PRKN: variants seen among roughly 807,000 people sequenced by gnomAD.
PRKN encodes the protein parkin RBR E3 ubiquitin protein ligase.
In PRKN, 56 loss-of-function variants were observed where a neutral mutation model predicts 59.5. The observed-to-expected ratio is 0.94, with a 90% CI of 0.76 to 1.18. The LOEUF (loss-of-function observed/expected upper bound fraction) is 1.18, where lower values mean the gene tolerates loss of function less well. Among genes scored for constraint, PRKN ranks in the 50% most tolerant of loss-of-function variants. The pLI, the probability that PRKN is intolerant of heterozygous loss-of-function variation, is 0.00. For missense variants in PRKN, 657 were observed against 596.4 expected (o/e 1.10, Z -1.06); for synonymous variants, 250 against 222.1 (o/e 1.13, Z -1.12).
At chr6:161,606,250 T>C (rs957337317) in intron 7 of PRKN, among the ~76,000 whole-genome samples, 2 of 152,122 alleles carry the variant, frequency 1.3e-5, no homozygotes, top group African/African-American at 2.4e-5. Flanking sequence ...CAGTTAAGTG[T>C]GATGTGAGCG....
At chr6:162,213,486 G>T (rs1040272738) in intron 3 of PRKN, among the ~76,000 whole-genome samples, 1 of 152,156 alleles carries the variant, frequency 6.6e-6, no homozygotes, top group Non-Finnish European at 1.5e-5. Flanking sequence ...CCAGCAGTTT[G>T]GGAGGCTGAG....
At chr6:162,577,560 A>G (rs956740538) in intron 1 of PRKN, among the ~76,000 whole-genome samples, 2 of 152,032 alleles carry the variant, frequency 1.3e-5, no homozygotes, top group Admixed American at 6.6e-5. Context: ...AGATCACACC[A>G]TGGCACTCCA....
At chr6:161,900,684 T>TTATATATGTTATATATAATAC (rs1562376985) in intron 6 of PRKN, among the ~76,000 whole-genome samples, 5 of 112,532 alleles carry the variant, frequency 4.4e-5, no homozygotes, top group Admixed American at 2.1e-4. Context: ...ATATATAATA[T>TTATATATGTTATATATAATAC]ATTATATATT....
chr6:162,320,362 C>CA (rs55793911), intron 2 of PRKN, among the ~76,000 whole-genome samples: 988 of 7,248 alleles, frequency 0.14, 89 homozygotes, highest in Middle Eastern at 0.33. Flanking sequence ...TACAAAAAGC[C>CA]AAAAAAAAAA....
rs1790757846 is a variant in PRKN at position 161,470,830 on chromosome 6, G to A, written c.1083+78024C>T. Among the ~76,000 whole-genome samples the A allele has an allele frequency of 6.6e-6, 1 of 152,166 alleles. No homozygotes were observed. The highest frequency in any genetic ancestry group is 2.1e-4 in the South Asian group (1 of 4,832). ...ACATGTAGGGGATGTGGATGAATCT[G>A]AGATTTGTGGGCTGGGTGTCTGCCT... is the stretch of plus-strand genomic sequence containing the variant. On this transcript the variant is annotated intron_variant, in intron 9 of 11. Transcript: ENST00000366898. This position sits in a 1 kb window ranked among gnomAD's most constrained non-coding sequence, Gnocchi z 5.1.
chr6:161,971,683 T>C (rs1780813571), intron 6 of PRKN, among the ~76,000 whole-genome samples: 5 of 152,098 alleles, frequency 3.3e-5, no homozygotes, highest in Non-Finnish European at 7.3e-5. Context: ...CTCATTTTTA[T>C]TCCTTCTTGG....
intron 9 of PRKN, among the ~76,000 whole-genome samples, chr6:161,455,764 G>A (rs1226271980): frequency 3.3e-5 from 5 of 151,534 alleles, no homozygotes; most frequent in African/African-American, 1.2e-4. Context: ...TTGGGAGGCT[G>A]AGGCAAGGGA....
intron 1 of PRKN, among the ~76,000 whole-genome samples, chr6:162,672,181 T>C (rs984914349): frequency 1.3e-5 from 2 of 152,130 alleles, no homozygotes; most frequent in African/African-American, 2.4e-5. Flanking sequence ...AAACAAAAAA[T>C]ACACTAAAGA....
intron 2 of PRKN, among the ~76,000 whole-genome samples, chr6:162,352,628 C>T (rs1049482090): frequency 1.3e-5 from 2 of 152,128 alleles, no homozygotes; most frequent in African/African-American, 2.4e-5. Flanking sequence ...CATGGATTAA[C>T]AGATAAATAG....
chr6:162,643,614 G>T (rs762843475), intron 1 of PRKN, among the ~76,000 whole-genome samples: 10 of 152,032 alleles, frequency 6.6e-5, no homozygotes, highest in Non-Finnish European at 1.2e-4. Flanking sequence ...CCTCTATCCA[G>T]TGTTCATAAG....
chr6:162,531,582 A>G (rs1778517611), intron 1 of PRKN, among the ~76,000 whole-genome samples: 1 of 152,152 alleles, frequency 6.6e-6, no homozygotes, highest in Admixed American at 6.5e-5. Context: ...ACAAGATCAG[A>G]TAAGCCAGTT....
chr6:161,970,892 G>A (rs926402959), intron 6 of PRKN, among the ~76,000 whole-genome samples: 1 of 152,120 alleles, frequency 6.6e-6, no homozygotes, highest in Non-Finnish European at 1.5e-5. Flanking sequence ...TAAAAAGAAA[G>A]CATTATCAGG....
chr6:161,574,208 T>C (rs1183945414), intron 7 of PRKN, among the ~76,000 whole-genome samples: 1 of 151,876 alleles, frequency 6.6e-6, no homozygotes, highest in Non-Finnish European at 1.5e-5. Flanking sequence ...ATAAACTCAG[T>C]GTGAAGATGG....
At position 162,131,236 on chromosome 6, in the gene PRKN, C is replaced by A. The variant is rs141512658; in HGVS notation, c.534+69895G>T. 4.8e-3 allele frequency among the ~76,000 whole-genome samples: 724 copies of A among 152,274 alleles called. 2 individuals are homozygous for A. The highest frequency in any genetic ancestry group is 7.6e-3 in the Non-Finnish European group (516 of 68,020). On this transcript the variant is annotated intron_variant, in intron 4 of 11. Transcript: ENST00000366898. Reference sequence around the variant, plus strand: ...GAAATTTTAGGAGATCACATGATGACACCCTCTAAACAGGAGCCTGAGGAA... The same window carrying A: ...GAAATTTTAGGAGATCACATGATGAAACCCTCTAAACAGGAGCCTGAGGAA...
intron 1 of PRKN, among the ~76,000 whole-genome samples, chr6:162,542,973 A>T (rs1778982955): frequency 6.6e-6 from 1 of 150,588 alleles, no homozygotes; most frequent in Admixed American, 6.6e-5. Context: ...CCAATGGTCG[A>T]CTCCCCCCAG....
intron 1 of PRKN, among the ~76,000 whole-genome samples, chr6:162,485,367 T>C (rs1473509991): frequency 1.3e-5 from 2 of 152,216 alleles, no homozygotes; most frequent in Non-Finnish European, 2.9e-5. Flanking sequence ...TTTGTGCAAT[T>C]ATTTTAGAAA....
intron 6 of PRKN, among the ~76,000 whole-genome samples, chr6:161,915,014 G>A (rs1778502605): frequency 6.6e-6 from 1 of 152,182 alleles, no homozygotes; most frequent in African/African-American, 2.4e-5. Context: ...GTTGGGTGCG[G>A]TGGCTCATGC....
At chr6:162,694,958 C>CT (rs1245563114) in intron 1 of PRKN, 1 of 152,166 alleles carries the variant, frequency 6.6e-6, no homozygotes, top group African/African-American at 2.4e-5. Context: ...TTCTAGTCGA[C>CT]TTTGTCAGTA....
chr6:162,343,798 A>C (rs937275886), intron 2 of PRKN, among the ~76,000 whole-genome samples: 9 of 152,312 alleles, frequency 5.9e-5, no homozygotes, highest in African/African-American at 2.2e-4. Context: ...AAACAGTTAA[A>C]ATTTTAGGAA....
Sources: allele counts gnomAD v4.1 joint callset (sites outside exome capture counted in the v4.1 genomes callset), GRCh38; gene constraint gnomAD v4.1.1; non-coding constraint Gnocchi (gnomAD v3.1); transcripts MANE v1.5; gene names NCBI Gene and HGNC (gene_info 2026-07-23, HGNC 2026-07-21).